The following UTRN variants were observed in gnomAD, a reference collection of about 807,000 sequenced individuals.
UTRN encodes dystrophin-related protein 1.
In UTRN, 283 loss-of-function variants were observed where a neutral mutation model predicts 463.9. That is an observed-to-expected ratio of 0.61 (90% CI 0.55 to 0.67). UTRN has a LOEUF of 0.67. Among genes scored for constraint, UTRN ranks in the 30% least tolerant of loss-of-function variants. The probability of loss-of-function intolerance (pLI) is 0.00; values close to 1 mark genes in which losing one functional copy is unlikely to be tolerated. For missense variants in UTRN, 3,922 were observed against 4,084.3 expected (o/e 0.96, Z 1.08); for synonymous variants, 1,442 against 1,431.5 (o/e 1.01, Z -0.17).
At chr6:144,498,139 G>T (rs1272616442) in intron 33 of UTRN, among the ~76,000 whole-genome samples, 1 of 152,210 alleles carries the variant, frequency 6.6e-6, no homozygotes, top group Non-Finnish European at 1.5e-5. Flanking sequence ...AATTAGATCA[G>T]TTGCCATTGG....
chr6:144,433,756 A>G (rs1160318541), intron 9 of UTRN, among the ~76,000 whole-genome samples: 1 of 151,324 alleles, frequency 6.6e-6, no homozygotes, highest in East Asian at 2.0e-4. Flanking sequence ...GCAGTCGGGC[A>G]GAGATGCTCC....
chr6:144,806,160 GA>G (rs1778128691), intron 65 of UTRN, among the ~76,000 whole-genome samples: 1 of 152,032 alleles, frequency 6.6e-6, no homozygotes, highest in South Asian at 2.1e-4. Flanking sequence ...TAAACAATTT[GA>G]AACCCACATA....
At chr6:144,668,075 A>G (rs1265454613) in intron 51 of UTRN, among the ~76,000 whole-genome samples, 3 of 152,230 alleles carry the variant, frequency 2.0e-5, no homozygotes, top group African/African-American at 7.2e-5. Context: ...TAAATCTTGC[A>G]GGAGCTGTCT....
intron 65 of UTRN, among the ~76,000 whole-genome samples, chr6:144,820,108 A>T (rs1779468033): frequency 7.0e-6 from 1 of 143,842 alleles, no homozygotes; most frequent in African/African-American, 2.5e-5. Flanking sequence ...TAGAATTGTG[A>T]TATACAGTAG....
intron 64 of UTRN, among the ~76,000 whole-genome samples, chr6:144,798,293 G>A (rs565950694): frequency 2.6e-4 from 40 of 152,264 alleles, no homozygotes; most frequent in African/African-American, 9.4e-4. Context: ...CTGTATGGCT[G>A]ATTATAAATA....
Position 144,291,727 on chromosome 6 carries a change from T to C in UTRN, c.-92-10T>C, listed in dbSNP as rs137973140. ...TTTTTTCAAGTCAGTACTTTCCCTT[T>C]TCCTTTTAGGTATTGATGTCAAGCT... On this transcript the variant is annotated splice_polypyrimidine_tract_variant and intron_variant, in intron 1 of 74. Transcript: ENST00000367545. The C allele has an allele frequency of 2.6e-5, 23 of 895,124 alleles. No individual in the cohort carries two copies. The African/African-American group carries it at 3.8e-4, about 15-fold the overall frequency. The allele number at this position is 895,124 out of a possible 1,614,324, so 55.4% of individuals were successfully genotyped here.
At chr6:144,671,660 G>T (rs1007692212) in intron 51 of UTRN, among the ~76,000 whole-genome samples, 1 of 151,908 alleles carries the variant, frequency 6.6e-6, no homozygotes, top group Non-Finnish European at 1.5e-5. Flanking sequence ...TCTTTCTCTT[G>T]TCTGATTGCA....
At position 144,436,135 on chromosome 6, in the gene UTRN, T is replaced by A. The variant is rs764381133; in HGVS notation, c.1056T>A (p.His352Gln). The A allele has an allele frequency of 6.2e-7, 1 of 1,613,140 alleles. No individual in the cohort carries two copies. Among genetic ancestry groups the A allele is most frequent in the South Asian group, 1.1e-5 (1 of 91,064 alleles). Reference protein sequence around the residue: ...VEEVKDQFATHEAFMMELTAH... With the variant: ...VEEVKDQFATQEAFMMELTAH... ...AAGTCAAAGACCAGTTTGCAACCCA[T>A]GAAGTAAATATCTGTAGTTTCTTAG... Residue 352 changes from histidine to glutamine, a missense_variant, in exon 10 of 75, where the codon CAT becomes CAA. Around this residue, in one of 3 missense-constraint regions of UTRN, gnomAD observed 2,349 missense variants for 2,303.8 expected, o/e 1.02. Coordinates refer to ENST00000367545, the MANE Select transcript of UTRN (RefSeq NM_007124.3).
intron 2 of UTRN, among the ~76,000 whole-genome samples, chr6:144,364,502 T>C (rs907731542): frequency 6.6e-6 from 1 of 152,186 alleles, no homozygotes; most frequent in Non-Finnish European, 1.5e-5. Flanking sequence ...CACCCACAGC[T>C]TTGCTCTCCC....
chr6:144,676,454 G>T (rs1407704367), intron 51 of UTRN, among the ~76,000 whole-genome samples: 12 of 151,668 alleles, frequency 7.9e-5, no homozygotes, highest in Non-Finnish European at 1.3e-4. Flanking sequence ...CTCTGTTTTT[G>T]TGTGTGCATA....
intron 46 of UTRN, 104 bp downstream of exon 46, chr6:144,542,974 C>A: frequency 1.1e-6 from 1 of 944,272 alleles, no homozygotes; most frequent in Non-Finnish European, 1.6e-6. Flanking sequence ...AACGTCGTGC[C>A]ATTTTCTTTA....
At chr6:144,423,500 C>A (rs1209836590) in intron 4 of UTRN, 49 bp from the exon 5 acceptor site, 1 of 1,561,504 alleles carries the variant, frequency 6.4e-7, no homozygotes, top group Admixed American at 1.7e-5. Flanking sequence ...GTTAGTCAGG[C>A]ATATGGAGGG....
intron 51 of UTRN, among the ~76,000 whole-genome samples, chr6:144,669,303 C>T (rs1780748405): frequency 6.6e-6 from 1 of 152,102 alleles, no homozygotes; most frequent in African/African-American, 2.4e-5. Context: ...GAAAACTAAA[C>T]TTATCTGTAA....
At chr6:144,804,562 C>T (rs9403611) in intron 65 of UTRN, among the ~76,000 whole-genome samples, 23,167 of 152,052 alleles carry the variant, frequency 0.15, 2,049 homozygotes, top group South Asian at 0.26. Context: ...AGGGAATAGA[C>T]TGGGGAAACA....
At chr6:144,645,786 T>G (rs1175439737) in intron 51 of UTRN, among the ~76,000 whole-genome samples, 2 of 152,108 alleles carry the variant, frequency 1.3e-5, no homozygotes, top group Non-Finnish European at 2.9e-5. Context: ...TATGGGCTTC[T>G]CAAAGCATGG....
intron 48 of UTRN, 133 bp from the exon 49 acceptor site, chr6:144,554,555 T>C: frequency 1.1e-6 from 1 of 917,748 alleles, no homozygotes. Flanking sequence ...TTAAAATTCC[T>C]TCAAAATGTG....
chr6:144,289,529 C>T (rs754668718), intron 1 of UTRN, among the ~76,000 whole-genome samples: 11 of 152,024 alleles, frequency 7.2e-5, no homozygotes, highest in Non-Finnish European at 1.2e-4. Context: ...ACCATGTTGC[C>T]TAGGCTGATC....
chr6:144,381,694 C>G (rs896259255), intron 2 of UTRN, among the ~76,000 whole-genome samples: 1 of 152,238 alleles, frequency 6.6e-6, no homozygotes, highest in Non-Finnish European at 1.5e-5. Context: ...CACAAGCTCT[C>G]TCTTTGCCTG....
intron 50 of UTRN, among the ~76,000 whole-genome samples, chr6:144,561,256 TATATAC>T (rs1424919435): frequency 3.4e-4 from 26 of 75,628 alleles, no homozygotes; most frequent in Non-Finnish European, 4.8e-4. Context: ...TATATATATA[TATATAC>T]ATACACACAC....
Sources: gnomAD v4.1 joint callset for allele counts (sites outside exome capture counted in the v4.1 genomes callset) on GRCh38, gnomAD v4.1.1 for gene constraint, gnomAD v4.1.1 regional missense constraint, MANE v1.5 for transcripts, NCBI Gene and HGNC (gene_info 2026-07-23, HGNC 2026-07-21) for gene names.